CORO2B: variants seen among roughly 807,000 people sequenced by gnomAD.
CORO2B encodes the protein coronin 2B.
A neutral mutation model predicts 58.8 loss-of-function variants in CORO2B; 26 were observed. The ratio of observed to expected loss-of-function variants is 0.44; its 90% CI spans 0.32 to 0.61. CORO2B has a LOEUF of 0.61. CORO2B is among the 20% of genes least tolerant of loss of function. The pLI, the probability that CORO2B is intolerant of heterozygous loss-of-function variation, is 0.04. For synonymous variants in CORO2B, 242 were observed against 253.8 expected, an observed-to-expected ratio of 0.95 and a Z score of 0.44; for missense variants, 460 against 645.1, an observed-to-expected ratio of 0.71 and a Z score of 3.11.
chr15:68,726,691 G>A lies in CORO2B; in HGVS notation c.*717G>A, dbSNP rs1156692929. 6.6e-6 allele frequency: 1 copy of A among 152,548 alleles called. No homozygotes were observed. The highest frequency in any genetic ancestry group is 2.4e-5 in the African/African-American group (1 of 41,410). The allele number at this position is 152,548 out of a possible 1,614,324, so 9.4% of individuals were successfully genotyped here. ...AGGGTAGGGATTAGTGTCCCCCTTT[G>A]ACAAATGACAGAACTGAGGGTTGCA... On this transcript the variant is annotated 3_prime_UTR_variant, in exon 12 of 12. Transcript: ENST00000261861.
the CORO2B span, among the ~76,000 whole-genome samples, chr15:68,537,563 T>C: frequency 6.6e-6 from 1 of 152,148 alleles, no homozygotes; most frequent in Non-Finnish European, 1.5e-5. Flanking sequence ...ATGTGTGCTA[T>C]GGTGATTTGC....
the CORO2B span, among the ~76,000 whole-genome samples, chr15:68,548,517 T>C: frequency 6.6e-6 from 1 of 152,162 alleles, no homozygotes; most frequent in East Asian, 1.9e-4. Flanking sequence ...TTGCAAGCTG[T>C]ACAAGTCAGT....
intron 8 of CORO2B, among the ~76,000 whole-genome samples, chr15:68,715,848 A>G (rs1893019884): frequency 6.6e-6 from 1 of 152,218 alleles, no homozygotes; most frequent in East Asian, 1.9e-4. Flanking sequence ...TTCTCCCACC[A>G]CTAAAAGTCT....
chr15:68,531,547 G>A, the CORO2B span, among the ~76,000 whole-genome samples: 5,377 of 33,752 alleles, frequency 0.16, 212 homozygotes, highest in Middle Eastern at 0.24. Flanking sequence ...AAGGAAGGAA[G>A]GAAGGAAGGA....
At chr15:68,708,371 T>TTC (rs1473615982) in intron 3 of CORO2B, among the ~76,000 whole-genome samples, 1 of 145,116 alleles carries the variant, frequency 6.9e-6, no homozygotes, top group Non-Finnish European at 1.5e-5. Flanking sequence ...TTTTTTTTTT[T>TTC]TTTTTTTGAG....
Position 68,710,616 on chromosome 15 carries a change from G to A in CORO2B, c.334-116G>A. On this transcript the variant is annotated intron_variant, in intron 3 of 11. Coordinates refer to ENST00000261861, the MANE Select transcript of CORO2B (RefSeq NM_006091.5). The surrounding 1 kb of genome is among the most constrained non-coding windows in gnomAD (Gnocchi z 4.1). ...GAGCTTTGCCCATCGCCTCAAGCCA[G>A]GAGGTGGCTCATCAGGCAGATCTCA... 8.0e-7 allele frequency: 1 copy of A among 1,255,564 alleles called. No individual in the cohort carries two copies. Among genetic ancestry groups the A allele is most frequent in the Non-Finnish European group, 1.1e-6 (1 of 944,018 alleles). The allele number at this position is 1,255,564 out of a possible 1,614,324, so 77.8% of individuals were successfully genotyped here.
At chr15:68,640,854 A>C (rs1282586500) in intron 1 of CORO2B, among the ~76,000 whole-genome samples, 2 of 152,170 alleles carry the variant, frequency 1.3e-5, no homozygotes, top group Non-Finnish European at 1.5e-5. Context: ...GGGGTAGAGG[A>C]GGAGGAGCAA....
chr15:68,552,663 C>T, the CORO2B span, among the ~76,000 whole-genome samples: 3 of 152,120 alleles, frequency 2.0e-5, no homozygotes, highest in Non-Finnish European at 4.4e-5. Context: ...GCCCCTATAC[C>T]GTGATGAAGA....
At chr15:68,558,905 G>A in the CORO2B span, among the ~76,000 whole-genome samples, 2 of 152,146 alleles carry the variant, frequency 1.3e-5, no homozygotes, top group African/African-American at 4.8e-5. Flanking sequence ...AGTACACACC[G>A]CGGGGAGGTG....
intron 1 of CORO2B, among the ~76,000 whole-genome samples, chr15:68,642,195 C>A (rs1005009521): frequency 6.6e-6 from 1 of 152,098 alleles, no homozygotes; most frequent in Admixed American, 6.6e-5. Flanking sequence ...TGCCACCATG[C>A]CTGCTATCCT....
chr15:68,572,086 G>T, the CORO2B span, among the ~76,000 whole-genome samples: 34 of 152,186 alleles, frequency 2.2e-4, no homozygotes, highest in Admixed American at 2.2e-3. Context: ...AGGGGCTGTG[G>T]GCTGTCAGTG....
intron 1 of CORO2B, among the ~76,000 whole-genome samples, chr15:68,625,878 T>C (rs1900665782): frequency 6.6e-6 from 1 of 152,218 alleles, no homozygotes; most frequent in African/African-American, 2.4e-5. Context: ...ATGCTGGGAT[T>C]ACAGGCATGA....
intron 1 of CORO2B, among the ~76,000 whole-genome samples, chr15:68,635,496 TG>T (rs1269778597): frequency 3.3e-5 from 5 of 151,878 alleles, no homozygotes; most frequent in Non-Finnish European, 7.4e-5. Context: ...AGGGGAGGGG[TG>T]GCAGCACCAG....
At chr15:68,538,751 C>T in the CORO2B span, among the ~76,000 whole-genome samples, 1 of 100,590 alleles carries the variant, frequency 9.9e-6, no homozygotes, top group East Asian at 3.1e-4. Flanking sequence ...ATCTCCCAAC[C>T]TCCCCAGACC....
intron 2 of CORO2B, among the ~76,000 whole-genome samples, chr15:68,649,118 G>A (rs77931004): frequency 0.03 from 4,603 of 152,178 alleles, 214 homozygotes; most frequent in African/African-American, 0.1. Flanking sequence ...GCACTGGTCT[G>A]GAATATGATC....
At chr15:68,685,502 G>T (rs536376198) in intron 2 of CORO2B, among the ~76,000 whole-genome samples, 1 of 152,086 alleles carries the variant, frequency 6.6e-6, no homozygotes, top group Non-Finnish European at 1.5e-5. Flanking sequence ...GTGAGCCACC[G>T]TGCCCAGCTG....
chr15:68,644,480 TAGG>T (rs1234839328), intron 1 of CORO2B, among the ~76,000 whole-genome samples: 1 of 152,134 alleles, frequency 6.6e-6, no homozygotes, highest in East Asian at 1.9e-4. Flanking sequence ...TAATCTGGCA[TAGG>T]AGGAGTCTTG....
At chr15:68,565,229 A>G in the CORO2B span, among the ~76,000 whole-genome samples, 2 of 152,054 alleles carry the variant, frequency 1.3e-5, no homozygotes, top group African/African-American at 4.8e-5. Context: ...AGATTAATAT[A>G]TTGATATATT....
chr15:68,597,997 A>G (rs1301224807), intron 1 of CORO2B, among the ~76,000 whole-genome samples: 1 of 152,232 alleles, frequency 6.6e-6, no homozygotes, highest in Non-Finnish European at 1.5e-5. Flanking sequence ...GTGGAGAACC[A>G]TGGCCACACA....
Sources: gnomAD v4.1 joint callset for allele counts (sites outside exome capture counted in the v4.1 genomes callset) on GRCh38, gnomAD v4.1.1 for gene constraint, Gnocchi (gnomAD v3.1) non-coding constraint, MANE v1.5 for transcripts, NCBI Gene and HGNC (gene_info 2026-07-23, HGNC 2026-07-21) for gene names.